The following B3GLCT variants were observed in gnomAD, a reference collection of about 807,000 sequenced individuals.
B3GLCT encodes beta 3-glucosyltransferase.
In B3GLCT, 65 loss-of-function variants were observed where a neutral mutation model predicts 63.4. The ratio of observed to expected loss-of-function variants is 1.03; its 90% CI spans 0.84 to 1.26. The LOEUF (loss-of-function observed/expected upper bound fraction) is 1.26, where lower values mean the gene tolerates loss of function less well. B3GLCT is among the 50% of genes most tolerant of loss of function. The probability of loss-of-function intolerance (pLI) is 0.00; values close to 1 mark genes in which losing one functional copy is unlikely to be tolerated. For synonymous variants in B3GLCT, 233 were observed against 219.2 expected, an observed-to-expected ratio of 1.06 and a Z score of -0.55; for missense variants, 577 against 604.8, an observed-to-expected ratio of 0.95 and a Z score of 0.48.
intron 8 of B3GLCT, among the ~76,000 whole-genome samples, chr13:31,271,811 G>T (rs1024417379): frequency 6.6e-6 from 1 of 152,130 alleles, no homozygotes; most frequent in African/African-American, 2.4e-5. Context: ...AATAATGGTG[G>T]ATTTTTCCTA....
At chr13:31,210,115 C>A (rs898591808) in intron 1 of B3GLCT, among the ~76,000 whole-genome samples, 3 of 152,192 alleles carry the variant, frequency 2.0e-5, no homozygotes, top group African/African-American at 7.2e-5. Flanking sequence ...CTTGATTTAT[C>A]TCTCTGTCTA....
At chr13:31,281,668 T>C (rs1425323880) in intron 10 of B3GLCT, among the ~76,000 whole-genome samples, 1 of 152,218 alleles carries the variant, frequency 6.6e-6, no homozygotes, top group African/African-American at 2.4e-5. Context: ...CACATTCATG[T>C]GTGTGTCCCT....
intron 2 of B3GLCT, among the ~76,000 whole-genome samples, chr13:31,215,854 G>A (rs536215065): frequency 9.9e-5 from 15 of 152,218 alleles, no homozygotes; most frequent in South Asian, 4.1e-4. Context: ...GGGCCTGGGC[G>A]GGAGACCCAA....
At chr13:31,261,349 C>G (rs1002582144) in intron 7 of B3GLCT, among the ~76,000 whole-genome samples, 2 of 152,210 alleles carry the variant, frequency 1.3e-5, no homozygotes, top group Non-Finnish European at 2.9e-5. Context: ...TAAGGGAGAA[C>G]ACAGAATTGC....
chr13:31,263,548 G>A (rs764323839), intron 7 of B3GLCT, among the ~76,000 whole-genome samples: 4 of 152,160 alleles, frequency 2.6e-5, no homozygotes, highest in South Asian at 2.1e-4. Flanking sequence ...GTTGGCTCTG[G>A]CTAGTGCTCA....
At chr13:31,259,545 T>C (rs1293010207) in intron 6 of B3GLCT, among the ~76,000 whole-genome samples, 3 of 151,376 alleles carry the variant, frequency 2.0e-5, no homozygotes, top group Non-Finnish European at 2.9e-5. Context: ...TGGTTCTTTT[T>C]TTCCCCCCTT....
intron 6 of B3GLCT, among the ~76,000 whole-genome samples, chr13:31,249,056 C>T (rs1871314439): frequency 6.6e-6 from 1 of 152,128 alleles, no homozygotes; most frequent in Non-Finnish European, 1.5e-5. Flanking sequence ...CTGTCCCACC[C>T]ACCTTCGAAT....
chr13:31,290,482 A>G lies in B3GLCT; in HGVS notation c.1064+3663A>G, dbSNP rs535818990. 2.0e-4 allele frequency among the ~76,000 whole-genome samples: 30 copies of G among 152,326 alleles called. No individual in the cohort carries two copies. In the South Asian group the frequency reaches 5.8e-3, roughly 30 times the overall value. ...TGAACTAATTTACACTCCCACCAGC[A>G]GTGTAAAAGTGTTCCTATTTTTCCA... On this transcript the variant is annotated intron_variant, in intron 12 of 14. Transcript: ENST00000343307.
intron 8 of B3GLCT, 90 bp from the exon 9 acceptor site, chr13:31,274,419 T>C: frequency 6.6e-7 from 1 of 1,513,188 alleles, no homozygotes; most frequent in Non-Finnish European, 9.2e-7. Context: ...ATGGAAGATG[T>C]GTTCTGCTTT....
intron 12 of B3GLCT, among the ~76,000 whole-genome samples, chr13:31,292,699 C>CTTTTTTTTTTTTTT (rs56038439): frequency 6.8e-6 from 1 of 147,526 alleles, no homozygotes; most frequent in Non-Finnish European, 1.5e-5. Context: ...ATTCTTCTCT[C>CTTTTTTTTTTTTTT]TTTTTTTTTT....
intron 12 of B3GLCT, among the ~76,000 whole-genome samples, chr13:31,316,786 T>G (rs1161863496): frequency 1.3e-5 from 2 of 152,172 alleles, no homozygotes; most frequent in Non-Finnish European, 2.9e-5. Context: ...TCGATTTTAT[T>G]TTCCTATAAA....
At chr13:31,218,443 C>T (rs968701864) in intron 2 of B3GLCT, among the ~76,000 whole-genome samples, 2 of 152,140 alleles carry the variant, frequency 1.3e-5, no homozygotes, top group African/African-American at 4.8e-5. Flanking sequence ...GCCTCAGCCT[C>T]CCAAAGTGCT....
At chr13:31,300,452 A>G (rs942662116) in intron 12 of B3GLCT, among the ~76,000 whole-genome samples, 5 of 152,214 alleles carry the variant, frequency 3.3e-5, no homozygotes, top group Non-Finnish European at 5.9e-5. Context: ...AATTAATGCA[A>G]GACTGGCCAA....
At chr13:31,218,239 G>T (rs193038671) in intron 2 of B3GLCT, among the ~76,000 whole-genome samples, 3 of 148,634 alleles carry the variant, frequency 2.0e-5, no homozygotes, top group East Asian at 4.0e-4. Context: ...ACCCAGGCTA[G>T]CATGCAGTGG....
At chr13:31,246,951 C>CTTTTTTTTTTTTTTTTTTTTTT (rs66466340) in intron 4 of B3GLCT, 72 bp from the exon 5 acceptor site, 27 of 779,656 alleles carry the variant, frequency 3.5e-5, no homozygotes, top group South Asian at 1.4e-4. Flanking sequence ...CTTTTCTTTT[C>CTTTTTTTTTTTTTTTTTTTTTT]TTTTTTTTTT....
intron 2 of B3GLCT, among the ~76,000 whole-genome samples, chr13:31,221,040 G>A (rs1452366801): frequency 1.3e-5 from 2 of 152,208 alleles, no homozygotes; most frequent in South Asian, 2.1e-4. Flanking sequence ...TCATGGCGGT[G>A]TGAGGAAGAG....
At chr13:31,237,759 C>T (rs924018108) in intron 4 of B3GLCT, among the ~76,000 whole-genome samples, 15 of 152,138 alleles carry the variant, frequency 9.9e-5, no homozygotes, top group Admixed American at 7.2e-4. Flanking sequence ...AAGTTGTTGG[C>T]GTCCCAGTGC....
At chr13:31,298,121 C>T (rs1367099862) in intron 12 of B3GLCT, among the ~76,000 whole-genome samples, 1 of 152,158 alleles carries the variant, frequency 6.6e-6, no homozygotes, top group Non-Finnish European at 1.5e-5. Flanking sequence ...TCTAATCATG[C>T]CTTTGCCTTT....
chr13:31,325,715 G>A (rs1875571396), intron 14 of B3GLCT, among the ~76,000 whole-genome samples: 1 of 152,222 alleles, frequency 6.6e-6, no homozygotes, highest in Non-Finnish European at 1.5e-5. Context: ...CTTTTAGAGA[G>A]TTTGGTAACG....
Sources: gnomAD v4.1 joint callset for allele counts (sites outside exome capture counted in the v4.1 genomes callset) on GRCh38, gnomAD v4.1.1 for gene constraint, MANE v1.5 for transcripts, NCBI Gene and HGNC (gene_info 2026-07-23, HGNC 2026-07-21) for gene names.